CCDC178: variants seen among roughly 807,000 people sequenced by gnomAD.
CCDC178 encodes coiled-coil domain containing 178, also known as coiled-coil domain-containing protein 178.
In CCDC178, 126 loss-of-function variants were observed where a neutral mutation model predicts 117.4. That is an observed-to-expected ratio of 1.07 (90% CI 0.93 to 1.24). The LOEUF (loss-of-function observed/expected upper bound fraction) is 1.24. Among genes scored for constraint, CCDC178 ranks in the 50% most tolerant of loss-of-function variants. The pLI is 0.00. For missense variants in CCDC178, 1,030 were observed against 986.9 expected, an observed-to-expected ratio of 1.04 and a Z score of -0.59; for synonymous variants, 283 against 313.4, an observed-to-expected ratio of 0.90 and a Z score of 1.02.
chr18:33,409,131 C>T (rs2063818665), intron 3 of CCDC178, among the ~76,000 whole-genome samples: 1 of 152,114 alleles, frequency 6.6e-6, no homozygotes, highest in Non-Finnish European at 1.5e-5. Flanking sequence ...GGGTCTTGCT[C>T]TTCACCCAAG....
chr18:33,390,114 A>T (rs753424000), intron 4 of CCDC178, among the ~76,000 whole-genome samples: 30 of 150,580 alleles, frequency 2.0e-4, no homozygotes, highest in Middle Eastern at 3.2e-3. Flanking sequence ...TATGATTTAT[A>T]ATTATAAATA....
intron 2 of CCDC178, among the ~76,000 whole-genome samples, chr18:33,414,634 G>A (rs1440496395): frequency 6.6e-6 from 1 of 152,132 alleles, no homozygotes; most frequent in African/African-American, 2.4e-5. Context: ...CAGGACATAG[G>A]CATTGGCAAG....
chr18:33,245,639 A>C (rs1489369065), intron 14 of CCDC178, among the ~76,000 whole-genome samples: 1 of 151,842 alleles, frequency 6.6e-6, no homozygotes, highest in Non-Finnish European at 1.5e-5. Flanking sequence ...GGCTGTTTCC[A>C]ATTTCAGAAG....
At chr18:33,235,850 T>C (rs2059420364) in intron 15 of CCDC178, among the ~76,000 whole-genome samples, 1 of 152,210 alleles carries the variant, frequency 6.6e-6, no homozygotes, top group African/African-American at 2.4e-5. Flanking sequence ...TACATATTAC[T>C]ATTAAATTGA....
At chr18:33,345,752 CAGTCTCACAGTTTTT>C (rs2062883360) in intron 9 of CCDC178, among the ~76,000 whole-genome samples, 1 of 152,192 alleles carries the variant, frequency 6.6e-6, no homozygotes, top group African/African-American at 2.4e-5. Flanking sequence ...TTGTCCAGTG[CAGTCTCACAGTTTTT>C]ATCTGTGAAC....
chr18:33,255,329 T>C (rs1947319922), intron 14 of CCDC178, among the ~76,000 whole-genome samples: 1 of 151,684 alleles, frequency 6.6e-6, no homozygotes, highest in Non-Finnish European at 1.5e-5. Context: ...AAGAGATGAG[T>C]TTTAAGTTGG....
chr18:33,220,443 T>C lies in CCDC178; in HGVS notation c.1932+2663A>G, dbSNP rs369373486. ...TCCAAAGCCTTTACTATTTTCTCTA[T>C]ACCAAAACTGGCCCTTGCTTTTTGG... On this transcript the variant is annotated intron_variant, in intron 18 of 22. Coordinates refer to ENST00000383096, the MANE Select transcript of CCDC178 (RefSeq NM_001105528.4). 1.4e-4 allele frequency among the ~76,000 whole-genome samples: 21 copies of C among 152,188 alleles called. No individual in the cohort carries two copies. In the East Asian group the frequency reaches 3.7e-3, roughly 27 times the overall value.
intron 15 of CCDC178, among the ~76,000 whole-genome samples, chr18:33,231,797 T>G (rs142305360): frequency 6.6e-6 from 1 of 152,136 alleles, no homozygotes; most frequent in African/African-American, 2.4e-5. Flanking sequence ...AACACGCAGA[T>G]AGCTGCTGCT....
intron 21 of CCDC178, among the ~76,000 whole-genome samples, chr18:33,033,930 T>TGA (rs1242769441): frequency 2.0e-5 from 3 of 151,948 alleles, no homozygotes; most frequent in African/African-American, 7.3e-5. Flanking sequence ...TATCTGTGTG[T>TGA]GTGTATATAT....
At chr18:33,360,853 A>G (rs2063115378) in intron 6 of CCDC178, among the ~76,000 whole-genome samples, 1 of 151,752 alleles carries the variant, frequency 6.6e-6, no homozygotes, top group African/African-American at 2.4e-5. Flanking sequence ...GCGTGATGCA[A>G]ATAAATGAAT....
chr18:33,140,479 G>C (rs1188394767), intron 20 of CCDC178, among the ~76,000 whole-genome samples: 3 of 152,208 alleles, frequency 2.0e-5, no homozygotes, highest in Non-Finnish European at 4.4e-5. Context: ...GCATCAGTGT[G>C]ACCCGGATGT....
intron 11 of CCDC178, among the ~76,000 whole-genome samples, chr18:33,303,229 GC>G (rs2062202483): frequency 1.3e-5 from 2 of 152,106 alleles, no homozygotes; most frequent in African/African-American, 4.8e-5. Flanking sequence ...AGTGAAAGAA[GC>G]CAATCTGAAA....
intron 20 of CCDC178, among the ~76,000 whole-genome samples, chr18:33,108,719 G>C (rs1157024446): frequency 1.3e-5 from 2 of 151,648 alleles, no homozygotes; most frequent in African/African-American, 2.4e-5. Flanking sequence ...TTCCTATTCT[G>C]TTAGGTACAA....
At chr18:33,205,712 T>C (rs1231393660) in intron 20 of CCDC178, among the ~76,000 whole-genome samples, 1 of 152,194 alleles carries the variant, frequency 6.6e-6, no homozygotes, top group Non-Finnish European at 1.5e-5. Context: ...CTTATTTATT[T>C]GAGATACGTG....
At chr18:33,078,645 G>A (rs1412190579) in intron 21 of CCDC178, among the ~76,000 whole-genome samples, 1 of 152,102 alleles carries the variant, frequency 6.6e-6, no homozygotes, top group Non-Finnish European at 1.5e-5. Flanking sequence ...CAATAGCCAT[G>A]CTGAGAGCCA....
chr18:33,010,127 G>A (rs2055833966), intron 21 of CCDC178, among the ~76,000 whole-genome samples: 1 of 152,130 alleles, frequency 6.6e-6, no homozygotes. Flanking sequence ...CATCCTAAAA[G>A]CTATAGTATA....
chr18:33,190,453 G>C (rs271456), intron 20 of CCDC178, among the ~76,000 whole-genome samples: 24,542 of 152,040 alleles, frequency 0.16, 2,761 homozygotes, highest in African/African-American at 0.32. Flanking sequence ...ATAGATATAA[G>C]TTTATAATTT....
chr18:33,181,670 G>A (rs1053970332), intron 20 of CCDC178, among the ~76,000 whole-genome samples: 2 of 151,682 alleles, frequency 1.3e-5, no homozygotes, highest in African/African-American at 4.8e-5. Flanking sequence ...GGTGCTTGAC[G>A]GCTTTCAACT....
intron 21 of CCDC178, among the ~76,000 whole-genome samples, chr18:32,987,594 T>C (rs1220409046): frequency 2.6e-5 from 4 of 152,206 alleles, no homozygotes; most frequent in Admixed American, 2.0e-4. Flanking sequence ...TTCTTAAGCA[T>C]ACGGAAACAT....
Sources: allele counts gnomAD v4.1 joint callset (sites outside exome capture counted in the v4.1 genomes callset), GRCh38; gene constraint gnomAD v4.1.1; transcripts MANE v1.5; gene names NCBI Gene and HGNC (gene_info 2026-07-23, HGNC 2026-07-21).